ADGRE1: variants seen among roughly 807,000 people sequenced by gnomAD.
The protein encoded by ADGRE1 is EGF-like module receptor 1.
A neutral mutation model predicts 102.7 loss-of-function variants in ADGRE1; 82 were observed. That is an observed-to-expected ratio of 0.80 (90% CI 0.67 to 0.96). The LOEUF (loss-of-function observed/expected upper bound fraction) is 0.96. ADGRE1 is among the 40% of genes least tolerant of loss of function. The probability of loss-of-function intolerance (pLI) is 0.00; values close to 1 mark genes in which losing one functional copy is unlikely to be tolerated. For synonymous variants in ADGRE1, 398 were observed against 399.6 expected, an observed-to-expected ratio of 1.00 and a Z score of 0.05; for missense variants, 1,032 against 1,085.3, an observed-to-expected ratio of 0.95 and a Z score of 0.69.
intron 10 of ADGRE1, among the ~76,000 whole-genome samples, chr19:6,911,778 T>C (rs962410494): frequency 8.1e-5 from 9 of 111,166 alleles, no homozygotes; most frequent in African/African-American, 2.5e-4. Context: ...CATATACATA[T>C]GCATATACAC....
At position 6,913,854 on chromosome 19, in the gene ADGRE1, G is replaced by A. The variant is rs369404564; in HGVS notation, c.1300+24G>A. On this transcript the variant is annotated intron_variant, in intron 11 of 20. Coordinates refer to ENST00000312053, the MANE Select transcript of ADGRE1 (RefSeq NM_001974.5). ...AGGTAGGAGACACCCTTTGTGGCAA[G>A]GTTACACCTAGGGGATGATTTTGAA... The A allele has an allele frequency of 2.6e-6, 4 of 1,533,488 alleles. No homozygotes were observed. The African/African-American group carries it at 4.1e-5, about 16-fold the overall frequency. 95.0% of individuals were successfully genotyped at this position (1,533,488 alleles called of 1,614,324 possible). A position where few individuals can be genotyped will look rare whatever the true frequency, so the allele number is the denominator to read the frequency against.
At chr19:6,905,359 T>C (rs1478587808) in intron 8 of ADGRE1, among the ~76,000 whole-genome samples, 21 of 115,986 alleles carry the variant, frequency 1.8e-4, no homozygotes, top group African/African-American at 4.8e-4. Flanking sequence ...TGTTTTTTTT[T>C]CTTTTTTTTT....
intron 5 of ADGRE1, 59 bp from the exon 6 acceptor site, chr19:6,901,816 A>G: frequency 6.4e-7 from 1 of 1,572,900 alleles, no homozygotes; most frequent in Non-Finnish European, 8.7e-7. Context: ...TCCTATTTGT[A>G]GTCTCTACTC....
intron 13 of ADGRE1, 88 bp downstream of exon 13, chr19:6,919,835 A>G: frequency 7.4e-7 from 1 of 1,352,128 alleles, no homozygotes; most frequent in Non-Finnish European, 1.0e-6. Context: ...TTTTTACGGG[A>G]AGCTATTGAG....
At chr19:6,916,922 A>C (rs543547266) in intron 12 of ADGRE1, among the ~76,000 whole-genome samples, 198 of 152,200 alleles carry the variant, frequency 1.3e-3, no homozygotes, top group African/African-American at 4.6e-3. Context: ...CTTTTAAAAA[A>C]TGTGTACTAG....
chr19:6,911,398 T>TTTTTTTTTTTTTTTTTTTC, intron 10 of ADGRE1, among the ~76,000 whole-genome samples: 1 of 145,526 alleles, frequency 6.9e-6, no homozygotes, highest in Non-Finnish European at 1.5e-5. Flanking sequence ...TTTTTTTTTT[T>TTTTTTTTTTTTTTTTTTTC]TTTTTTTGCT....
intron 10 of ADGRE1, among the ~76,000 whole-genome samples, chr19:6,912,166 A>T (rs1219198784): frequency 6.6e-6 from 1 of 152,050 alleles, no homozygotes; most frequent in Non-Finnish European, 1.5e-5. Flanking sequence ...ACACAGAGAT[A>T]TACACACATG....
chr19:6,892,351 T>A (rs565709927), intron 2 of ADGRE1, among the ~76,000 whole-genome samples: 1 of 152,350 alleles, frequency 6.6e-6, no homozygotes, highest in South Asian at 2.1e-4. Flanking sequence ...TTTTAGTTTT[T>A]CCATACTCCT....
At chr19:6,913,117 A>G (rs1275356598) in intron 10 of ADGRE1, among the ~76,000 whole-genome samples, 1 of 151,942 alleles carries the variant, frequency 6.6e-6, no homozygotes, top group African/African-American at 2.4e-5. Context: ...ATTTGTTTGT[A>G]CAGATGGGGT....
intron 5 of ADGRE1, chr19:6,898,578 C>A: frequency 6.7e-7 from 1 of 1,492,456 alleles, no homozygotes; most frequent in Non-Finnish European, 9.3e-7. Context: ...TCTTTCACTG[C>A]TTTGCAAATA....
At chr19:6,915,397 C>T (rs1290275508) in intron 11 of ADGRE1, among the ~76,000 whole-genome samples, 1 of 152,048 alleles carries the variant, frequency 6.6e-6, no homozygotes, top group Non-Finnish European at 1.5e-5. Flanking sequence ...ACTTCTTGTT[C>T]CATTATCTAG....
chr19:6,892,127 C>T (rs905611314), intron 2 of ADGRE1, among the ~76,000 whole-genome samples: 1 of 151,976 alleles, frequency 6.6e-6, no homozygotes, highest in African/African-American at 2.4e-5. Context: ...GATAAAATGC[C>T]GGAAGTCTGC....
chr19:6,932,617 C>T (rs1975209221), intron 17 of ADGRE1, among the ~76,000 whole-genome samples: 1 of 152,142 alleles, frequency 6.6e-6, no homozygotes, highest in African/African-American at 2.4e-5. Context: ...CTGTGTGAAA[C>T]TGTTCTATAG....
Position 6,930,890 on chromosome 19 carries a change from C to T in ADGRE1, c.2289+2679C>T, listed in dbSNP as rs180757259. ...ATGACCTCAGGTGACCCACCCGCCTCGACCTCCCAAAGTGCTGGGATTACA... is the reference window on the plus strand; with the variant it reads ...ATGACCTCAGGTGACCCACCCGCCTTGACCTCCCAAAGTGCTGGGATTACA... On this transcript the variant is annotated intron_variant, in intron 17 of 20. Coordinates refer to ENST00000312053, the MANE Select transcript of ADGRE1 (RefSeq NM_001974.5). Among the ~76,000 whole-genome samples the T allele has an allele frequency of 3.6e-3, 542 of 152,290 alleles. 4 individuals are homozygous for T. The highest frequency in any genetic ancestry group is 0.012 in the African/African-American group (507 of 41,562).
intron 3 of ADGRE1, 154 bp downstream of exon 3, chr19:6,896,695 C>A: frequency 1.2e-6 from 1 of 850,364 alleles, no homozygotes. Flanking sequence ...CATTTCTGTT[C>A]AAGGTTAATA....
In ADGRE1 at chr19:6,901,934, G is replaced by A; in HGVS notation, c.574G>A (p.Val192Ile). ...AGAGCATGCAACTTGTAATAACACT[G>A]TTGGAAACTACTCTTGTTTCTGCAA... ...CPEHATCNNTVGNYSCFCNPG... is the reference protein window; with the variant it reads ...CPEHATCNNTIGNYSCFCNPG... Residue 192 changes from valine (V) to isoleucine (I), a missense_variant, in exon 6 of 21, where the codon GTT becomes ATT. Transcript: ENST00000312053. The A allele has an allele frequency of 6.2e-7, 1 of 1,614,176 alleles. No individual in the cohort carries two copies. The highest frequency in any genetic ancestry group is 8.5e-7 in the Non-Finnish European group (1 of 1,180,038).
chr19:6,890,549 T>C lies in ADGRE1; in HGVS notation c.94+6T>C, dbSNP rs1973330241. 2 of 1,612,492 alleles carry C rather than the reference T, an allele frequency of 1.2e-6. No individual in the cohort carries two copies. The highest frequency in any genetic ancestry group is 1.3e-5 in the African/African-American group (1 of 74,760). On this transcript the variant is annotated splice_donor_region_variant and intron_variant, in intron 2 of 20. Transcript: ENST00000312053. ...ACGGAAACCAAACACAAAGGGTAAG[T>C]TGGCCAGAGAGAATGCAGATGCCTG...
chr19:6,919,279 C>T (rs1974527659), intron 12 of ADGRE1, among the ~76,000 whole-genome samples: 1 of 151,948 alleles, frequency 6.6e-6, no homozygotes, highest in Admixed American at 6.6e-5. Flanking sequence ...GATCCACCCG[C>T]CTTGGTCTCC....
chr19:6,937,489 C>T lies in ADGRE1; in HGVS notation c.2551-55C>T. ...TTCCCCACCGCATCCCTCCACCCAACATCCCTGTCACTGGACCATTTCCCT... is the reference window on the plus strand; with the variant it reads ...TTCCCCACCGCATCCCTCCACCCAATATCCCTGTCACTGGACCATTTCCCT... On this transcript the variant is annotated intron_variant, in intron 19 of 20. Transcript: ENST00000312053. 3 of 1,578,892 alleles carry T rather than the reference C, an allele frequency of 1.9e-6. No homozygotes were observed. The South Asian group carries it at 3.3e-5, about 18-fold the overall frequency.
Sources: allele counts gnomAD v4.1 joint callset (sites outside exome capture counted in the v4.1 genomes callset), GRCh38; gene constraint gnomAD v4.1.1; transcripts MANE v1.5; gene names NCBI Gene and HGNC (gene_info 2026-07-23, HGNC 2026-07-21).